Variants in ST7L observed in about 807,000 individuals in gnomAD.
ST7L encodes suppression of tumorigenicity 7 like, also known as suppressor of tumorigenicity 7 protein-like.
ST7L carries 57 observed loss-of-function variants against 72.5 expected under a neutral mutation model. The ratio of observed to expected loss-of-function variants is 0.79; its 90% CI spans 0.64 to 0.98. The LOEUF (loss-of-function observed/expected upper bound fraction) is 0.98, where lower values mean the gene tolerates loss of function less well. Ranked by LOEUF, ST7L falls within the 50% of genes least tolerant of loss-of-function variation. The pLI is 0.00. For synonymous variants in ST7L, 221 were observed against 240.9 expected, an observed-to-expected ratio of 0.92 and a Z score of 0.77; for missense variants, 576 against 672.2, an observed-to-expected ratio of 0.86 and a Z score of 1.58.
Position 112,577,012 on chromosome 1 carries a change from C to T in ST7L, c.1219G>A (p.Val407Met). 1.9e-6 allele frequency: 3 copies of T among 1,604,408 alleles called. No homozygotes were observed. The highest frequency in any genetic ancestry group is 2.6e-6 in the Non-Finnish European group (3 of 1,174,204). Residue 407 changes from valine to methionine, a missense_variant, in exon 11 of 15, where the codon GTG becomes ATG. By Grantham distance (21) the Val-to-Met change is conservative (BLOSUM62 1). Transcript: ENST00000358039. ...TTTGGAACATGAGGATTAAATTCCA[C>T]AGCTCTATGAATTGCTTCCACGGCA... Reference protein sequence around the residue: ...INAVEAIHRAVEFNPHVPKYL... With the variant: ...INAVEAIHRAMEFNPHVPKYL...
intron 11 of ST7L, among the ~76,000 whole-genome samples, chr1:112,557,134 C>A (rs189039578): frequency 1.9e-4 from 29 of 151,896 alleles, no homozygotes; most frequent in African/African-American, 6.5e-4. Context: ...TTAAAGTATA[C>A]AATTCGAGGA....
At position 112,604,775 on chromosome 1, in the gene ST7L, TAAAAAAAAAA is replaced by T. The variant is rs556388277; in HGVS notation, c.452-3937_452-3928del. 5.1e-5 allele frequency among the ~76,000 whole-genome samples: 3 copies of T among 58,778 alleles called. 1 individual carries two copies. Among genetic ancestry groups the T allele is most frequent in the East Asian group, 1.3e-3 (2 of 1,540 alleles). The allele number at this position is 58,778 out of a possible 152,430, so 38.6% of individuals were successfully genotyped here. A position where few individuals can be genotyped will look rare whatever the true frequency, so the allele number is the denominator to read the frequency against. On this transcript the variant is annotated intron_variant, in intron 3 of 14. Transcript: ENST00000358039. ...CAACATAGTGAGGCCTTGTCTCTCTTAAAAAAAAAAAAAAAAAAAAAAAAAAAAGACTGGG... is the reference window on the plus strand; with the variant it reads ...CAACATAGTGAGGCCTTGTCTCTCTTAAAAAAAAAAAAAAAAAAGACTGGG...
At chr1:112,594,541 A>G (rs1291612859) in intron 5 of ST7L, among the ~76,000 whole-genome samples, 4 of 152,322 alleles carry the variant, frequency 2.6e-5, no homozygotes, top group African/African-American at 9.6e-5. Flanking sequence ...GTCCCCTCAC[A>G]TCAAGGCAAA....
Position 112,584,083 on chromosome 1 carries a change from T to C in ST7L, c.745A>G (p.Thr249Ala). ...AATAACCTTTCAGCATCTACAATAG[T>C]TGTTGCTTCTTCCTCAGCCAGTAGA... ...YVLLAEEEAT[T>A]IVDAERLFKQ... Residue 249 changes from threonine to alanine, a missense_variant, in exon 7 of 15, where the codon ACT becomes GCT. By Grantham distance (58) the Thr-to-Ala change is moderately conservative. Coordinates refer to ENST00000358039, the MANE Select transcript of ST7L (RefSeq NM_017744.5). 1.2e-6 allele frequency: 2 copies of C among 1,614,086 alleles called. No individual in the cohort carries two copies. The highest frequency in any genetic ancestry group is 8.5e-7 in the Non-Finnish European group (1 of 1,180,014).
intron 3 of ST7L, among the ~76,000 whole-genome samples, chr1:112,609,576 A>T (rs1274766327): frequency 6.6e-6 from 1 of 151,730 alleles, no homozygotes; most frequent in Admixed American, 6.6e-5. Flanking sequence ...GTAATCCCAG[A>T]ACTTTAGGAG....
chr1:112,543,891 A>AC (rs1557954398), intron 13 of ST7L, among the ~76,000 whole-genome samples: 10 of 150,170 alleles, frequency 6.7e-5, no homozygotes, highest in African/African-American at 2.2e-4. Flanking sequence ...AAAAAAAAAA[A>AC]CCTAAACTAG....
chr1:112,604,775 T>TAAA lies in ST7L; in HGVS notation c.452-3930_452-3928dup, dbSNP rs556388277. 1.4e-4 allele frequency among the ~76,000 whole-genome samples: 8 copies of TAAA among 58,774 alleles called. 1 individual carries two copies. The East Asian group carries it at 1.9e-3, about 14-fold the overall frequency. 38.6% of individuals were successfully genotyped at this position (58,774 alleles called of 152,430 possible). A position where few individuals can be genotyped will look rare whatever the true frequency, so the allele number is the denominator to read the frequency against. On this transcript the variant is annotated intron_variant, in intron 3 of 14. Coordinates refer to ENST00000358039, the MANE Select transcript of ST7L (RefSeq NM_017744.5). The stretch of plus-strand genomic sequence containing the variant: ...CAACATAGTGAGGCCTTGTCTCTCT[T>TAAA]AAAAAAAAAAAAAAAAAAAAAAAAA...
At chr1:112,602,177 A>G (rs1379808415) in intron 3 of ST7L, among the ~76,000 whole-genome samples, 1 of 152,154 alleles carries the variant, frequency 6.6e-6, no homozygotes, top group Non-Finnish European at 1.5e-5. Context: ...TTTAGATATT[A>G]TCCTTGGTCA....
At chr1:112,549,190 T>A (rs550162542) in intron 13 of ST7L, among the ~76,000 whole-genome samples, 6 of 152,080 alleles carry the variant, frequency 3.9e-5, no homozygotes, top group Admixed American at 6.6e-5. Context: ...CCCAGGAGTT[T>A]GCAACCAGCC....
chr1:112,542,061 T>C lies in ST7L; in HGVS notation c.1519A>G (p.Lys507Glu). 6.2e-7 allele frequency: 1 copy of C among 1,611,816 alleles called. No individual in the cohort carries two copies. Among genetic ancestry groups the C allele is most frequent in the Non-Finnish European group, 8.5e-7 (1 of 1,179,264 alleles). The change falls in exon 14 of 15, where the codon AAG becomes GAG. Residue 507 changes from lysine (K) to glutamate (E), a missense_variant. By Grantham distance (56) the Lys-to-Glu change is moderately conservative. Around this residue, in one of 3 missense-constraint regions of ST7L, gnomAD observed 511 missense variants for 600.7 expected, o/e 0.85. Coordinates refer to ENST00000358039, the MANE Select transcript of ST7L (RefSeq NM_017744.5). ...TFHHVSVYPKKELPLFIHFTA... is the reference protein window; with the variant it reads ...TFHHVSVYPKEELPLFIHFTA... ...AAATGGATGAACAAAGGAAGCTCCTTTTTTGGGTAAACAGAAACATGATGA... is the reference window on the plus strand; with the variant it reads ...AAATGGATGAACAAAGGAAGCTCCTCTTTTGGGTAAACAGAAACATGATGA...
intron 5 of ST7L, among the ~76,000 whole-genome samples, chr1:112,592,032 C>G (rs1393269784): frequency 6.6e-6 from 1 of 151,324 alleles, no homozygotes; most frequent in Non-Finnish European, 1.5e-5. Context: ...AAGTCTTTGT[C>G]TAATGAATGA....
At chr1:112,537,952 G>A (rs527436700) in intron 14 of ST7L, among the ~76,000 whole-genome samples, 1 of 152,306 alleles carries the variant, frequency 6.6e-6, no homozygotes, top group Non-Finnish European at 1.5e-5. Context: ...TGTACAGTGA[G>A]AATTATTTAA....
intron 3 of ST7L, among the ~76,000 whole-genome samples, chr1:112,603,655 C>T (rs1667773461): frequency 1.3e-5 from 2 of 152,168 alleles, no homozygotes; most frequent in Non-Finnish European, 2.9e-5. Flanking sequence ...ATAGCTCAGG[C>T]TGCCGTAACA....
chr1:112,603,181 C>G (rs906394531), intron 3 of ST7L, among the ~76,000 whole-genome samples: 1 of 152,114 alleles, frequency 6.6e-6, no homozygotes, highest in Non-Finnish European at 1.5e-5. Context: ...AAAGACTTTT[C>G]TGTGAGAATG....
intron 3 of ST7L, among the ~76,000 whole-genome samples, chr1:112,602,303 C>T (rs1282185295): frequency 6.6e-6 from 1 of 152,086 alleles, no homozygotes; most frequent in Non-Finnish European, 1.5e-5. Flanking sequence ...AATTCTAAGA[C>T]ATTATTTGCC....
At chr1:112,567,460 A>G (rs1661236101) in intron 11 of ST7L, among the ~76,000 whole-genome samples, 1 of 152,130 alleles carries the variant, frequency 6.6e-6, no homozygotes, top group South Asian at 2.1e-4. Context: ...TAAAATTTTG[A>G]TAAAGTTCAA....
intron 14 of ST7L, chr1:112,526,333 C>A (rs185361601): frequency 1.1e-5 from 5 of 461,262 alleles, no homozygotes; most frequent in Non-Finnish European, 7.6e-6. Flanking sequence ...AATTCTACTC[C>A]TTTTTTCCCC....
chr1:112,604,755 T>C (rs1667937594), intron 3 of ST7L, among the ~76,000 whole-genome samples: 1 of 99,584 alleles, frequency 1.0e-5, no homozygotes, highest in South Asian at 3.4e-4. Flanking sequence ...CTGGGCAACA[T>C]AGTGAGGCCT....
At chr1:112,611,029 A>G (rs749596265) in intron 2 of ST7L, 26 bp from the exon 3 acceptor site, 8 of 1,609,460 alleles carry the variant, frequency 5.0e-6, no homozygotes, top group Non-Finnish European at 6.8e-6. Flanking sequence ...AATATCCTGC[A>G]CTTAGAATCG....
Sources: gnomAD v4.1 joint callset for allele counts (sites outside exome capture counted in the v4.1 genomes callset) on GRCh38, gnomAD v4.1.1 for gene constraint, gnomAD v4.1.1 regional missense constraint, MANE v1.5 for transcripts, NCBI Gene and HGNC (gene_info 2026-07-23, HGNC 2026-07-21) for gene names.